The following ACSS3 variants were observed in gnomAD, a reference collection of about 807,000 sequenced individuals.
The protein encoded by ACSS3 is acyl-CoA synthetase short chain family member 3.
Under a neutral mutation model 84.2 loss-of-function variants are expected in ACSS3, and 64 were observed. The observed-to-expected ratio is 0.76, with a 90% CI of 0.62 to 0.94. ACSS3 has a LOEUF of 0.94. Among genes scored for constraint, ACSS3 ranks in the 40% least tolerant of loss-of-function variants. ACSS3 has a pLI of 0.00. For missense variants in ACSS3, 815 were observed against 867.6 expected (o/e 0.94, Z 0.76); for synonymous variants, 317 against 310.1 (o/e 1.02, Z -0.23).
intron 8 of ACSS3, among the ~76,000 whole-genome samples, chr12:81,181,747 C>CAAAAAAAAAAAAAAAAAAAAA (rs59878486): frequency 6.3e-5 from 3 of 47,912 alleles, no homozygotes; most frequent in African/African-American, 9.7e-5. Flanking sequence ...ATCAATTAAG[C>CAAAAAAAAAAAAAAAAAAAAA]AAAAAAAAAA....
chr12:81,132,962 TG>T (rs765530416), intron 2 of ACSS3, among the ~76,000 whole-genome samples: 7 of 152,254 alleles, frequency 4.6e-5, no homozygotes, highest in South Asian at 2.1e-4. Flanking sequence ...ATTTTTGTCT[TG>T]TTTTTTTGAG....
intron 2 of ACSS3, among the ~76,000 whole-genome samples, chr12:81,129,307 TA>T (rs1565994166): frequency 6.7e-6 from 1 of 148,250 alleles, no homozygotes; most frequent in African/African-American, 2.5e-5. Context: ...AAATAAGAGG[TA>T]AAAAATATAT....
At chr12:81,099,016 T>C (rs1184340325) in intron 1 of ACSS3, among the ~76,000 whole-genome samples, 2 of 152,200 alleles carry the variant, frequency 1.3e-5, no homozygotes. Flanking sequence ...TAGAAAATTA[T>C]TATGAAATGT....
chr12:81,172,575 G>A (rs886778201), intron 7 of ACSS3, among the ~76,000 whole-genome samples: 3 of 152,024 alleles, frequency 2.0e-5, no homozygotes, highest in African/African-American at 7.2e-5. Context: ...GGTCGAGGTT[G>A]TAGTAAGCCA....
At chr12:81,135,900 G>A (rs1021543734) in intron 3 of ACSS3, among the ~76,000 whole-genome samples, 3 of 152,078 alleles carry the variant, frequency 2.0e-5, no homozygotes, top group Non-Finnish European at 4.4e-5. Flanking sequence ...ATAAGATAAG[G>A]TGTCTGCTTT....
At chr12:81,245,355 G>A (rs7959962) in intron 13 of ACSS3, among the ~76,000 whole-genome samples, 61,221 of 152,046 alleles carry the variant, frequency 0.4, 13,281 homozygotes, top group Non-Finnish European at 0.49. Context: ...CCAACTACTC[G>A]GGAGGCTGAG....
At position 81,255,372 on chromosome 12, in the gene ACSS3, A is replaced by C. The variant is rs549085155; in HGVS notation, c.*450A>C. ...ATTTTCTAGTATTCTTTAGATGCTCACATTGTTTTAAATAAAATAGATGAA... is the reference window on the plus strand; with the variant it reads ...ATTTTCTAGTATTCTTTAGATGCTCCCATTGTTTTAAATAAAATAGATGAA... On this transcript the variant is annotated 3_prime_UTR_variant, in exon 16 of 16. Transcript: ENST00000548058. The C allele has an allele frequency of 1.3e-5, 2 of 152,736 alleles. No homozygotes were observed. The highest frequency in any genetic ancestry group is 2.9e-5 in the Non-Finnish European group (2 of 68,472). The allele number at this position is 152,736 out of a possible 1,614,324, so 9.5% of individuals were successfully genotyped here. A position where few individuals can be genotyped will look rare whatever the true frequency, so the allele number is the denominator to read the frequency against.
intron 13 of ACSS3, among the ~76,000 whole-genome samples, chr12:81,234,716 A>C (rs2033574906): frequency 6.6e-6 from 1 of 151,330 alleles, no homozygotes; most frequent in African/African-American, 2.4e-5. Flanking sequence ...GTATCTGTTA[A>C]AATCTTCAGC....
intron 10 of ACSS3, among the ~76,000 whole-genome samples, chr12:81,217,566 G>A (rs2032965852): frequency 6.6e-6 from 1 of 152,214 alleles, no homozygotes; most frequent in Admixed American, 6.5e-5. Flanking sequence ...AAACAGGCCG[G>A]AAGTGGTGGC....
chr12:81,195,710 A>G (rs1412560251), intron 8 of ACSS3, among the ~76,000 whole-genome samples: 1 of 151,986 alleles, frequency 6.6e-6, no homozygotes, highest in Non-Finnish European at 1.5e-5. Flanking sequence ...CCCTAGCAGC[A>G]TTGCATACTG....
intron 1 of ACSS3, among the ~76,000 whole-genome samples, chr12:81,100,170 A>G (rs1204438093): frequency 1.3e-5 from 2 of 150,948 alleles, no homozygotes; most frequent in African/African-American, 4.9e-5. Context: ...GATGTGAGTT[A>G]GCAGGCATTA....
chr12:81,152,407 T>C (rs1886656310), intron 7 of ACSS3, among the ~76,000 whole-genome samples: 1 of 152,210 alleles, frequency 6.6e-6, no homozygotes, highest in African/African-American at 2.4e-5. Flanking sequence ...AAAATAGTTA[T>C]CATAAAACAA....
In ACSS3 at chr12:81,207,296, C is replaced by G. The variant is rs372609547; in HGVS notation, c.1354+7852C>G. ...ACCCCTGCACTGGGCCTACTGCCCC[C>G]ACAAAACAATTCCCAATTCCTCTTT... On this transcript the variant is annotated intron_variant, in intron 9 of 15. Coordinates refer to ENST00000548058, the MANE Select transcript of ACSS3 (RefSeq NM_024560.4). Among the ~76,000 whole-genome samples, 27 of 152,270 alleles carry G rather than the reference C, an allele frequency of 1.8e-4. No homozygotes were observed. The East Asian group carries it at 3.7e-3, about 21-fold the overall frequency.
intron 1 of ACSS3, among the ~76,000 whole-genome samples, chr12:81,083,602 C>T (rs188060709): frequency 1.2e-3 from 182 of 151,796 alleles, no homozygotes; most frequent in African/African-American, 3.9e-3. Context: ...CCTCGTGATC[C>T]GCTCACCTCG....
At chr12:81,137,199 A>G (rs1277546166) in intron 3 of ACSS3, among the ~76,000 whole-genome samples, 2 of 151,720 alleles carry the variant, frequency 1.3e-5, no homozygotes, top group Non-Finnish European at 2.9e-5. Context: ...GGGAAAAAAT[A>G]TCAGTCACTG....
At chr12:81,252,245 C>T (rs757972238) in intron 13 of ACSS3, among the ~76,000 whole-genome samples, 1 of 152,046 alleles carries the variant, frequency 6.6e-6, no homozygotes, top group Non-Finnish European at 1.5e-5. Context: ...AAAAAATTCC[C>T]CAGAGCCCTT....
chr12:81,121,730 T>C (rs1884621071), intron 2 of ACSS3, among the ~76,000 whole-genome samples: 1 of 152,106 alleles, frequency 6.6e-6, no homozygotes, highest in African/African-American at 2.4e-5. Flanking sequence ...ACCCTGGGGC[T>C]TTGAGTTCGG....
chr12:81,165,749 A>G (rs192406947), intron 7 of ACSS3, among the ~76,000 whole-genome samples: 1 of 152,360 alleles, frequency 6.6e-6, no homozygotes, highest in East Asian at 1.9e-4. Context: ...TTATTTGTAA[A>G]CTACATGGTG....
At position 81,213,840 on chromosome 12, in the gene ACSS3, T is replaced by TCTCTCCTCTC. The variant is rs1555181624; in HGVS notation, c.1355-3055_1355-3046dup. Among the ~76,000 whole-genome samples, 31 of 25,920 alleles carry TCTCTCCTCTC rather than the reference T, an allele frequency of 1.2e-3. 1 individual carries two copies. The highest frequency in any genetic ancestry group is 2.6e-3 in the African/African-American group (28 of 10,592). 17.0% of individuals were successfully genotyped at this position (25,920 alleles called of 152,430 possible). ...TCTCTTCTCTTCTCTTCTCTTCTCT[T>TCTCTCCTCTC]CTCTCCTCTCCTCTCTTCTCTTCCT... On this transcript the variant is annotated intron_variant, in intron 9 of 15. Transcript: ENST00000548058.
Sources: gnomAD v4.1 joint callset for allele counts (sites outside exome capture counted in the v4.1 genomes callset) on GRCh38, gnomAD v4.1.1 for gene constraint, MANE v1.5 for transcripts, NCBI Gene and HGNC (gene_info 2026-07-23, HGNC 2026-07-21) for gene names.